The following PARVB variants were observed in gnomAD, a reference collection of about 807,000 sequenced individuals.
PARVB encodes beta-parvin.
A neutral mutation model predicts 47.0 loss-of-function variants in PARVB; 46 were observed. That is an observed-to-expected ratio of 0.98 (90% CI 0.77 to 1.25). PARVB has a LOEUF of 1.25. Ranked by LOEUF, PARVB falls within the 50% of genes most tolerant of loss-of-function variation. The pLI is 0.00. For missense variants in PARVB, 473 were observed against 471.6 expected, an observed-to-expected ratio of 1.00 and a Z score of -0.03; for synonymous variants, 196 against 196.3, an observed-to-expected ratio of 1.00 and a Z score of 0.01.
In PARVB at chr22:44,125,775, A is replaced by G. The variant is rs746456511; in HGVS notation, c.377-5712A>G. Among the ~76,000 whole-genome samples the G allele has an allele frequency of 6.6e-6, 1 of 152,076 alleles. No homozygotes were observed. The highest frequency in any genetic ancestry group is 1.5e-5 in the Non-Finnish European group (1 of 68,014). ...AGGGCTGTGACGTGGATTGGGTTAG[A>G]GTTTAAAAGGTCACTTAGGCTTCTG... On this transcript the variant is annotated intron_variant, in intron 4 of 12. Coordinates refer to ENST00000338758, the MANE Select transcript of PARVB (RefSeq NM_013327.5). The surrounding 1 kb of genome is among the most constrained non-coding windows in gnomAD (Gnocchi z 4.1).
intron 1 of PARVB, among the ~76,000 whole-genome samples, chr22:44,090,660 G>A (rs893336944): frequency 5.9e-5 from 9 of 152,216 alleles, no homozygotes; most frequent in Non-Finnish European, 8.8e-5. Flanking sequence ...CAGCTCTCGG[G>A]CCTTGCCAAG....
intron 2 of PARVB, among the ~76,000 whole-genome samples, chr22:44,007,117 G>A (rs141625276): frequency 9.8e-5 from 15 of 152,332 alleles, no homozygotes; most frequent in Non-Finnish European, 1.0e-4. Context: ...TCATTCAACC[G>A]TTTGGGGGAC....
intron 4 of PARVB, among the ~76,000 whole-genome samples, chr22:44,121,134 C>A (rs898830666): frequency 6.6e-6 from 1 of 152,098 alleles, no homozygotes; most frequent in African/African-American, 2.4e-5. Context: ...AGCCACTGTG[C>A]CTGACTGGCT....
At chr22:44,131,948 G>C (rs1486279838) in intron 5 of PARVB, among the ~76,000 whole-genome samples, 2 of 152,172 alleles carry the variant, frequency 1.3e-5, no homozygotes, top group African/African-American at 4.8e-5. Flanking sequence ...GGTTCTTGTT[G>C]GGACTCAACC....
At chr22:44,148,562 A>G (rs1022891391) in intron 9 of PARVB, 2 of 159,792 alleles carry the variant, frequency 1.3e-5, no homozygotes, top group African/African-American at 4.8e-5. Flanking sequence ...CCTCCTTCCC[A>G]TAACATCGGA....
chr22:44,076,061 G>C (rs1366010008), intron 1 of PARVB, among the ~76,000 whole-genome samples: 1 of 152,250 alleles, frequency 6.6e-6, no homozygotes, highest in Non-Finnish European at 1.5e-5. Context: ...AGGTGGGGCC[G>C]GGACTTGGGA....
At chr22:44,053,209 G>A (rs1290032305) in intron 1 of PARVB, among the ~76,000 whole-genome samples, 1 of 151,004 alleles carries the variant, frequency 6.6e-6, no homozygotes, top group Non-Finnish European at 1.5e-5. Context: ...TCAGCCTCCC[G>A]AGTAGCTGGG....
Position 44,171,634 on chromosome 22 carries a change from G to A in PARVB, c.*2956G>A, listed in dbSNP as rs2054270354. 1.3e-5 allele frequency: 2 copies of A among 152,102 alleles called. No individual in the cohort carries two copies. Among genetic ancestry groups the A allele is most frequent in the Admixed American group, 6.6e-5 (1 of 15,250 alleles). 9.4% of individuals were successfully genotyped at this position (152,102 alleles called of 1,614,324 possible). On this transcript the variant is annotated 3_prime_UTR_variant, in exon 13 of 13. Transcript: ENST00000338758. ...GGAGGGGGCTTCAGCTTCTCAGGGAGGTCCTGGCGGCCCCCATCTAGTAAA... is the reference window on the plus strand; with the variant it reads ...GGAGGGGGCTTCAGCTTCTCAGGGAAGTCCTGGCGGCCCCCATCTAGTAAA...
intron 1 of PARVB, among the ~76,000 whole-genome samples, chr22:44,091,727 T>C (rs2147038500): frequency 6.6e-6 from 1 of 152,200 alleles, no homozygotes; most frequent in East Asian, 1.9e-4. Context: ...CATCTGGTGT[T>C]CTCAAATGCC....
chr22:43,999,217 C>T (rs1040939929), exon 1 of PARVB: 2 of 725,160 alleles, frequency 2.8e-6, no homozygotes, highest in Non-Finnish European at 4.5e-6. Context: ...CCTGCAAAGG[C>T]CCTACACTTT....
Position 44,068,993 on chromosome 22 carries a change from C to G in PARVB, c.113-24935C>G, listed in dbSNP as rs532826313. On this transcript the variant is annotated intron_variant, in intron 1 of 12. Coordinates refer to ENST00000338758, the MANE Select transcript of PARVB (RefSeq NM_013327.5). The surrounding 1 kb of genome is among the most constrained non-coding windows in gnomAD (Gnocchi z 4.1). ...CACCCCGGTCCTTCCACAGCCTGAC[C>G]CTCTGTGACCTTCCTCAAAGGCTCC... 1.8e-4 allele frequency: 136 copies of G among 765,144 alleles called. No homozygotes were observed. In the African/African-American group the frequency reaches 1.8e-3, roughly 10 times the overall value. The allele number at this position is 765,144 out of a possible 1,614,324, so 47.4% of individuals were successfully genotyped here.
intron 9 of PARVB, chr22:44,149,664 C>T (rs935077626): frequency 2.6e-5 from 4 of 152,288 alleles, no homozygotes; most frequent in African/African-American, 9.6e-5. Flanking sequence ...TGAAATCTCC[C>T]TTGCATTGCG....
At chr22:44,097,479 T>C (rs1376945842) in intron 2 of PARVB, among the ~76,000 whole-genome samples, 1 of 152,174 alleles carries the variant, frequency 6.6e-6, no homozygotes, top group Non-Finnish European at 1.5e-5. Flanking sequence ...TAGCAGGTCA[T>C]GAATGCTGAC....
chr22:44,053,846 A>G (rs2051256158), intron 1 of PARVB, among the ~76,000 whole-genome samples: 1 of 152,210 alleles, frequency 6.6e-6, no homozygotes, highest in Non-Finnish European at 1.5e-5. Context: ...GAGGAGATAC[A>G]TAGGGTGAGG....
intron 3 of PARVB, chr22:44,105,958 A>G (rs1226243737): frequency 2.0e-5 from 3 of 152,168 alleles, no homozygotes; most frequent in Non-Finnish European, 2.9e-5. Context: ...CCTCCCAAGT[A>G]AATGGGATTA....
At chr22:44,119,171 A>G (rs2052983618) in intron 4 of PARVB, 31 bp downstream of exon 4, 1 of 1,435,368 alleles carries the variant, frequency 7.0e-7, no homozygotes, top group Non-Finnish European at 9.8e-7. Context: ...GCTCTGTCCC[A>G]CCCCCATCTC....
intron 4 of PARVB, among the ~76,000 whole-genome samples, chr22:44,127,919 G>A (rs1205423238): frequency 1.3e-5 from 2 of 152,070 alleles, no homozygotes; most frequent in Non-Finnish European, 2.9e-5. Context: ...CCGGGAAGCT[G>A]GGATCACAGA....
chr22:44,023,220 G>T (rs1424732656), upstream of PARVB, among the ~76,000 whole-genome samples: 1 of 152,110 alleles, frequency 6.6e-6, no homozygotes, highest in African/African-American at 2.4e-5. Context: ...AGCCCTGCCT[G>T]GGTATCTAGG....
At chr22:44,056,820 C>G (rs2051320330) in intron 1 of PARVB, among the ~76,000 whole-genome samples, 1 of 151,714 alleles carries the variant, frequency 6.6e-6, no homozygotes, top group African/African-American at 2.4e-5. Flanking sequence ...CCCCAGTTTT[C>G]TCAATCAGGT....
Sources: gnomAD v4.1 joint callset for allele counts (sites outside exome capture counted in the v4.1 genomes callset) on GRCh38, gnomAD v4.1.1 for gene constraint, Gnocchi (gnomAD v3.1) non-coding constraint, MANE v1.5 for transcripts, NCBI Gene and HGNC (gene_info 2026-07-23, HGNC 2026-07-21) for gene names.